The following PTTG1IP variants were observed in gnomAD, a reference collection of about 807,000 sequenced individuals.
PTTG1IP encodes the protein PTTG1 interacting protein.
In PTTG1IP, 16 loss-of-function variants were observed where a neutral mutation model predicts 24.4. The ratio of observed to expected loss-of-function variants is 0.66; its 90% CI spans 0.44 to 1.00. The LOEUF is 1.00. Ranked by LOEUF, PTTG1IP falls within the 50% of genes least tolerant of loss-of-function variation. The probability of loss-of-function intolerance (pLI) is 0.00; values close to 1 mark genes in which losing one functional copy is unlikely to be tolerated. For synonymous variants in PTTG1IP, 89 were observed against 96.8 expected, an observed-to-expected ratio of 0.92 and a Z score of 0.47; for missense variants, 241 against 245.8, an observed-to-expected ratio of 0.98 and a Z score of 0.13.
At position 44,861,183 on chromosome 21, in the gene PTTG1IP, G is replaced by A; in HGVS notation, c.257C>T (p.Ala86Val). The A allele has an allele frequency of 1.2e-6, 2 of 1,613,736 alleles. No individual in the cohort carries two copies. The highest frequency in any genetic ancestry group is 1.1e-5 in the South Asian group (1 of 91,070). ...CTTACCCCAACAAACTCCCCAGCGT[G>A]CAGAGCTCAATTTACAAAGGGAAGC... is the stretch of plus-strand genomic sequence containing the variant. The part of the protein sequence containing the change: ...PPASLCKLSS[A>V]RWGVCWVNFE... Residue 86 changes from alanine to valine, a missense_variant, in exon 3 of 6, where the codon GCA becomes GTA. Ala to Val is a moderately conservative substitution (Grantham distance 64, BLOSUM62 0). Coordinates refer to ENST00000330938, the MANE Select transcript of PTTG1IP (RefSeq NM_004339.4).
chr21:44,861,431 C>T (rs2083491010), intron 2 of PTTG1IP, among the ~76,000 whole-genome samples, 160 bp from the exon 3 acceptor site: 1 of 152,206 alleles, frequency 6.6e-6, no homozygotes, highest in Non-Finnish European at 1.5e-5. Context: ...ACCCTCAGCG[C>T]CCTTCGGTCC....
intron 1 of PTTG1IP, among the ~76,000 whole-genome samples, chr21:44,870,538 A>AG (rs2083576550): frequency 1.3e-5 from 2 of 149,902 alleles, no homozygotes; most frequent in African/African-American, 5.0e-5. Context: ...AAAAAAAAAA[A>AG]AAAAAAAAAA....
intron 1 of PTTG1IP, among the ~76,000 whole-genome samples, chr21:44,869,438 A>C (rs906390639): frequency 1.3e-5 from 2 of 152,222 alleles, no homozygotes; most frequent in Admixed American, 6.5e-5. Flanking sequence ...AACAGGCAAC[A>C]CAATTATGAT....
At chr21:44,866,680 AACACACACAC>A (rs34646417) in intron 1 of PTTG1IP, among the ~76,000 whole-genome samples, 7 of 145,082 alleles carry the variant, frequency 4.8e-5, no homozygotes, top group African/African-American at 1.8e-4. Context: ...CCAATCCCAT[AACACACACAC>A]ACACACACAC....
chr21:44,863,784 AC>A (rs2083512776), intron 2 of PTTG1IP, among the ~76,000 whole-genome samples: 1 of 152,246 alleles, frequency 6.6e-6, no homozygotes, highest in Non-Finnish European at 1.5e-5. Flanking sequence ...AAGATCTGAA[AC>A]CACAGAAACA....
intron 3 of PTTG1IP, among the ~76,000 whole-genome samples, chr21:44,859,261 C>T (rs1012494502): frequency 3.3e-5 from 5 of 152,218 alleles, no homozygotes; most frequent in Admixed American, 6.5e-5. Context: ...GACGGGAAGT[C>T]CAGTCAGTGG....
intron 5 of PTTG1IP, among the ~76,000 whole-genome samples, 199 bp from the exon 6 acceptor site, chr21:44,851,826 TAGAAACA>T (rs2083413510): frequency 6.6e-6 from 1 of 152,210 alleles, no homozygotes; most frequent in South Asian, 2.1e-4. Context: ...TAAAATTTAC[TAGAAACA>T]AGAACTCTAA....
chr21:44,873,533 C>A lies in PTTG1IP; in HGVS notation c.84G>T (p.Pro28=), dbSNP rs17852921. ...CGGGAGGCTCCTGCGCGGCGGCCACCGGGATGAGCAGCAGGAGCAGCGCGG... is the reference window on the plus strand; with the variant it reads ...CGGGAGGCTCCTGCGCGGCGGCCACAGGGATGAGCAGCAGGAGCAGCGCGG... ...GGAALLLLLI[P]VAAAQEPPGA... Residue 28 remains proline, a synonymous_variant, in exon 1 of 6, where the codon CCG becomes CCT. Coordinates refer to ENST00000330938, the MANE Select transcript of PTTG1IP (RefSeq NM_004339.4). 16 of 1,467,004 alleles carry A rather than the reference C, an allele frequency of 1.1e-5. No homozygotes were observed. The Middle Eastern group carries it at 6.1e-4, about 56-fold the overall frequency. 90.9% of individuals were successfully genotyped at this position (1,467,004 alleles called of 1,614,324 possible).
chr21:44,851,733 GCAA>G, intron 5 of PTTG1IP, 106 bp from the exon 6 acceptor site: 1 of 1,364,488 alleles, frequency 7.3e-7, no homozygotes, highest in South Asian at 1.5e-5. Context: ...TGAGGCTATA[GCAA>G]CAACGGGCAT....
In PTTG1IP at chr21:44,873,618, G is replaced by C. The variant is rs1415872286; in HGVS notation, c.-2C>G. On this transcript the variant is annotated 5_prime_UTR_variant, in exon 1 of 6. Coordinates refer to ENST00000330938, the MANE Select transcript of PTTG1IP (RefSeq NM_004339.4). Reference sequence around the variant, plus strand: ...CCCGCGGGCCACTCCGGGCGCCATGGTCGGCCGGTCGCTCTATCAGTCAGT... The same window carrying C: ...CCCGCGGGCCACTCCGGGCGCCATGCTCGGCCGGTCGCTCTATCAGTCAGT... 1.4e-6 allele frequency: 2 copies of C among 1,425,090 alleles called. No homozygotes were observed. The highest frequency in any genetic ancestry group is 1.4e-5 in the South Asian group (1 of 71,672). The allele number at this position is 1,425,090 out of a possible 1,614,324, so 88.3% of individuals were successfully genotyped here. A position where few individuals can be genotyped will look rare whatever the true frequency, so the allele number is the denominator to read the frequency against.
chr21:44,873,631 T>C lies in PTTG1IP; in HGVS notation c.-15A>G, dbSNP rs1475118936. On this transcript the variant is annotated 5_prime_UTR_variant, in exon 1 of 6. Coordinates refer to ENST00000330938, the MANE Select transcript of PTTG1IP (RefSeq NM_004339.4). ...CCGGGCGCCATGGTCGGCCGGTCGCTCTATCAGTCAGTGGAGCGTTACAAC... is the reference window on the plus strand; with the variant it reads ...CCGGGCGCCATGGTCGGCCGGTCGCCCTATCAGTCAGTGGAGCGTTACAAC... 5 of 1,410,366 alleles carry C rather than the reference T, an allele frequency of 3.5e-6. No individual in the cohort carries two copies. The highest frequency in any genetic ancestry group is 4.6e-6 in the Non-Finnish European group (5 of 1,083,496). The allele number at this position is 1,410,366 out of a possible 1,614,324, so 87.4% of individuals were successfully genotyped here.
At chr21:44,873,281 G>A (rs973517983) in intron 1 of PTTG1IP, among the ~76,000 whole-genome samples, 5 of 152,170 alleles carry the variant, frequency 3.3e-5, no homozygotes, top group African/African-American at 7.2e-5. Context: ...CAAAGACAAA[G>A]ACGGCTCTTC....
intron 3 of PTTG1IP, among the ~76,000 whole-genome samples, chr21:44,859,999 A>G (rs943914541): frequency 1.3e-5 from 2 of 152,248 alleles, no homozygotes; most frequent in African/African-American, 2.4e-5. Context: ...CAAAACCTGA[A>G]GCCTAAAAGA....
intron 3 of PTTG1IP, among the ~76,000 whole-genome samples, chr21:44,856,651 A>G (rs1417302563): frequency 6.6e-6 from 1 of 152,224 alleles, no homozygotes; most frequent in Non-Finnish European, 1.5e-5. Context: ...GTGACAGGGT[A>G]GTCTGTCTCA....
Position 44,851,242 on chromosome 21 carries a change from T to G in PTTG1IP, c.*339A>C, listed in dbSNP as rs1483482749. On this transcript the variant is annotated 3_prime_UTR_variant, in exon 6 of 6. Transcript: ENST00000330938. Reference sequence around the variant, plus strand: ...CAGAGAGAAACGCAGGGTTCTGCCCTGGGAGAATGACAGCCACAGCGCTGG... The same window carrying G: ...CAGAGAGAAACGCAGGGTTCTGCCCGGGGAGAATGACAGCCACAGCGCTGG... 8.3e-7 allele frequency: 1 copy of G among 1,198,178 alleles called. No individual in the cohort carries two copies. The highest frequency in any genetic ancestry group is 1.1e-6 in the Non-Finnish European group (1 of 882,744). The allele number at this position is 1,198,178 out of a possible 1,614,324, so 74.2% of individuals were successfully genotyped here.
chr21:44,864,424 T>A (rs968274310), intron 2 of PTTG1IP, among the ~76,000 whole-genome samples: 3 of 152,174 alleles, frequency 2.0e-5, no homozygotes, highest in Non-Finnish European at 4.4e-5. Flanking sequence ...AAGACAGTTT[T>A]TTGCTCTTGT....
chr21:44,872,351 TAAGGTCACAAAAAGAA>T (rs1243277151), intron 1 of PTTG1IP, among the ~76,000 whole-genome samples: 1 of 152,158 alleles, frequency 6.6e-6, no homozygotes, highest in Non-Finnish European at 1.5e-5. Context: ...AAACATTCCA[TAAGGTCACAAAAAGAA>T]AAGGTGCTCT....
chr21:44,858,571 T>C (rs2083466166), intron 3 of PTTG1IP, among the ~76,000 whole-genome samples: 1 of 152,178 alleles, frequency 6.6e-6, no homozygotes, highest in Non-Finnish European at 1.5e-5. Context: ...TGTCACGAAA[T>C]GGCTGCCTCC....
Position 44,850,112 on chromosome 21 carries a change from T to TGG in PTTG1IP, c.*1468_*1469insCC, listed in dbSNP as rs1272477048. 1 of 152,208 alleles carries TGG rather than the reference T, an allele frequency of 6.6e-6. No homozygotes were observed. The highest frequency in any genetic ancestry group is 1.5e-5 in the Non-Finnish European group (1 of 68,020). 9.4% of individuals were successfully genotyped at this position (152,208 alleles called of 1,614,324 possible). Reference sequence around the variant, plus strand: ...CTTATCGAGCTGTTTGACGAGTTCTTGAAGTGTTCTGGATCAGTGATCTGC... The same window carrying TGG: ...CTTATCGAGCTGTTTGACGAGTTCTTGGGAAGTGTTCTGGATCAGTGATCTGC... On this transcript the variant is annotated 3_prime_UTR_variant, in exon 6 of 6. Transcript: ENST00000330938.
Sources: allele counts gnomAD v4.1 joint callset (sites outside exome capture counted in the v4.1 genomes callset), GRCh38; gene constraint gnomAD v4.1.1; transcripts MANE v1.5; gene names NCBI Gene and HGNC (gene_info 2026-07-23, HGNC 2026-07-21).